MYO10: variants seen among roughly 807,000 people sequenced by gnomAD.
The protein encoded by MYO10 is unconventional myosin-X.
Under a neutral mutation model 257.3 loss-of-function variants are expected in MYO10, and 133 were observed. That is an observed-to-expected ratio of 0.52 (90% confidence interval 0.45 to 0.60). The LOEUF (loss-of-function observed/expected upper bound fraction) is 0.60, where lower values mean the gene tolerates loss of function less well. MYO10 is among the 20% of genes least tolerant of loss of function. The pLI is 0.00. For synonymous variants in MYO10, 1,104 were observed against 1,028.6 expected (o/e 1.07, Z -1.40); for missense variants, 2,399 against 2,635.7 (o/e 0.91, Z 1.97).
At chr5:16,700,805 T>G (rs1438219572) in intron 25 of MYO10, among the ~76,000 whole-genome samples, 158 bp downstream of exon 25, 1 of 152,248 alleles carries the variant, frequency 6.6e-6, no homozygotes, top group African/African-American at 2.4e-5. Context: ...TGCAATTGGC[T>G]TATGGAATAA....
intron 2 of MYO10, among the ~76,000 whole-genome samples, chr5:16,855,252 G>A (rs1743928048): frequency 6.6e-6 from 1 of 152,114 alleles, no homozygotes; most frequent in South Asian, 2.1e-4. Context: ...CAAATGGCAG[G>A]AATTATTTTT....
chr5:16,721,800 C>G (rs1739163856), intron 19 of MYO10, among the ~76,000 whole-genome samples: 1 of 152,220 alleles, frequency 6.6e-6, no homozygotes, highest in Admixed American at 6.5e-5. Context: ...GGAAAGAAAA[C>G]ACTGGAACAT....
chr5:16,785,296 A>G (rs1295183841), intron 4 of MYO10, among the ~76,000 whole-genome samples: 1 of 152,206 alleles, frequency 6.6e-6, no homozygotes, highest in Non-Finnish European at 1.5e-5. Flanking sequence ...TGCTCGGCCC[A>G]GTGCCTGGCA....
rs760291981 is a variant in MYO10, at chr5:16,672,748, G to T, written c.5250C>A (p.His1750Gln). 5 of 1,614,002 alleles carry T rather than the reference G, an allele frequency of 3.1e-6. 1 individual carries two copies. Among genetic ancestry groups the T allele is most frequent in the Non-Finnish European group, 1.7e-6 (2 of 1,179,872 alleles). ...TTCGACTTTCAATGGCTTTGTCGAC[G>T]TGGCCGTTGTATTCAAACAAAGCAA... ...NMFALFEYNG[H>Q]VDKAIESRTV... is the part of the protein sequence containing the mutation. The change falls in exon 37 of 41, where the codon CAC becomes CAA. Residue 1750 changes from histidine to glutamine, a missense_variant. Physicochemically the swap from His to Gln is conservative, Grantham distance 24. Transcript: ENST00000513610.
intron 2 of MYO10, among the ~76,000 whole-genome samples, chr5:16,834,357 G>A (rs909731773): frequency 2.6e-5 from 4 of 152,118 alleles, no homozygotes; most frequent in Non-Finnish European, 4.4e-5. Context: ...TGATGAGGAC[G>A]TGGAACTGCA....
chr5:16,754,099 C>T (rs1417902207), intron 19 of MYO10, among the ~76,000 whole-genome samples: 1 of 152,096 alleles, frequency 6.6e-6, no homozygotes, highest in African/African-American at 2.4e-5. Context: ...TAGGGGTTTT[C>T]TCACATAAGA....
chr5:16,921,569 T>G (rs76627357), intron 1 of MYO10, among the ~76,000 whole-genome samples: 9,242 of 150,242 alleles, frequency 0.062, 330 homozygotes, highest in East Asian at 0.15. Context: ...CATTTACTAC[T>G]GTGAAAGGCC....
intron 2 of MYO10, among the ~76,000 whole-genome samples, chr5:16,818,402 GTGTGTGTGTATA>G (rs1561000862): frequency 1.8e-4 from 21 of 117,542 alleles, no homozygotes; most frequent in South Asian, 1.1e-3. Flanking sequence ...GTGTGTGTGT[GTGTGTGTGTATA>G]TATATATATA....
At chr5:16,926,627 G>A (rs958979213) in intron 1 of MYO10, among the ~76,000 whole-genome samples, 3 of 151,840 alleles carry the variant, frequency 2.0e-5, no homozygotes, top group South Asian at 4.2e-4. Context: ...GCTTGAACTC[G>A]GGAGGTGGAG....
At chr5:16,693,509 T>C (rs1324250417) in intron 27 of MYO10, among the ~76,000 whole-genome samples, 2 of 152,252 alleles carry the variant, frequency 1.3e-5, no homozygotes, top group African/African-American at 2.4e-5. Flanking sequence ...GACTTTCTTC[T>C]CCTCATTTAA....
chr5:16,672,294 CA>C lies in MYO10; in HGVS notation c.5309+394del, dbSNP rs10684695. On this transcript the variant is annotated intron_variant, in intron 37 of 40. Coordinates refer to ENST00000513610, the MANE Select transcript of MYO10 (RefSeq NM_012334.3). ...TGGGCAACAGAGCAAGACTCCATCT[CA>C]AAAAAAAAAAAAAGTAGGTCCATTT... Among the ~76,000 whole-genome samples, 98 of 122,196 alleles carry C rather than the reference CA, an allele frequency of 8.0e-4. 1 individual carries two copies. Among genetic ancestry groups the C allele is most frequent in the Admixed American group, 1.6e-3 (18 of 11,390 alleles). The allele number at this position is 122,196 out of a possible 152,430, so 80.2% of individuals were successfully genotyped here.
chr5:16,881,356 G>A (rs566194320), intron 1 of MYO10, among the ~76,000 whole-genome samples: 7 of 152,236 alleles, frequency 4.6e-5, no homozygotes, highest in African/African-American at 1.7e-4. Flanking sequence ...CTCACTGTGG[G>A]TCTCTTTACC....
chr5:16,720,445 A>AT (rs1252843680), intron 19 of MYO10, among the ~76,000 whole-genome samples: 351 of 151,078 alleles, frequency 2.3e-3, no homozygotes, highest in African/African-American at 8.1e-3. Flanking sequence ...TATTTTATTT[A>AT]TTTTATTTTA....
In MYO10 at chr5:16,673,190, C is replaced by T. The variant is rs1333788427; in HGVS notation, c.5173-365G>A. Among the ~76,000 whole-genome samples the T allele has an allele frequency of 1.2e-4, 16 of 136,176 alleles. No homozygotes were observed. In the South Asian group the frequency reaches 2.3e-3, roughly 19 times the overall value. 89.3% of individuals were successfully genotyped at this position (136,176 alleles called of 152,430 possible). On this transcript the variant is annotated intron_variant, in intron 36 of 40. Coordinates refer to ENST00000513610, the MANE Select transcript of MYO10 (RefSeq NM_012334.3). ...AAGGAACAACAGAGACTCCAGATGA[C>T]GTTTTTTTTTTTTCCATAAGAAGCC...
intron 32 of MYO10, 132 bp downstream of exon 32, chr5:16,681,177 A>AAT: frequency 1.1e-6 from 1 of 884,784 alleles, no homozygotes; most frequent in Non-Finnish European, 1.6e-6. Flanking sequence ...ACAGGCTTAG[A>AAT]AGATAAACCA....
chr5:16,703,560 G>A (rs1045627844), intron 22 of MYO10, among the ~76,000 whole-genome samples: 1 of 152,120 alleles, frequency 6.6e-6, no homozygotes, highest in Non-Finnish European at 1.5e-5. Context: ...GGGCATAGTG[G>A]ATGCAACTAA....
At chr5:16,831,059 G>A (rs1743149258) in intron 2 of MYO10, among the ~76,000 whole-genome samples, 1 of 152,108 alleles carries the variant, frequency 6.6e-6, no homozygotes, top group Admixed American at 6.6e-5. Flanking sequence ...GAGGGAAGCT[G>A]AGTAAAGGAG....
At chr5:16,898,491 C>T (rs919022025) in intron 1 of MYO10, among the ~76,000 whole-genome samples, 4 of 150,206 alleles carry the variant, frequency 2.7e-5, no homozygotes, top group Non-Finnish European at 5.9e-5. Context: ...CAGTTCACTG[C>T]AACCTCCGCC....
intron 3 of MYO10, among the ~76,000 whole-genome samples, chr5:16,809,168 A>ATGG (rs200651331): frequency 4.0e-4 from 56 of 140,256 alleles, no homozygotes; most frequent in South Asian, 7.1e-4. Flanking sequence ...TTTCATGTGG[A>ATGG]AAAAAAAAAA....
Sources: allele counts gnomAD v4.1 joint callset (sites outside exome capture counted in the v4.1 genomes callset), GRCh38; gene constraint gnomAD v4.1.1; transcripts MANE v1.5; gene names NCBI Gene and HGNC (gene_info 2026-07-23, HGNC 2026-07-21).